Variants in TUT4 observed in about 807,000 individuals in gnomAD.
The protein encoded by TUT4 is terminal uridylyl transferase 4, also known as terminal uridylyltransferase 4.
TUT4 carries 36 observed loss-of-function variants against 192.2 expected under a neutral mutation model. That is an observed-to-expected ratio of 0.19 (90% CI 0.14 to 0.25). The LOEUF is 0.25. Ranked by LOEUF, TUT4 falls within the 10% of genes least tolerant of loss-of-function variation. TUT4 has a pLI of 1.00. For missense variants in TUT4, 1,493 were observed against 1,957.2 expected (o/e 0.76, Z 4.47); for synonymous variants, 618 against 666.0 (o/e 0.93, Z 1.11).
chr1:52,492,254 G>A (rs1050678627), intron 7 of TUT4, among the ~76,000 whole-genome samples: 15 of 151,934 alleles, frequency 9.9e-5, no homozygotes, highest in Non-Finnish European at 8.8e-5. Context: ...CAAGACAATG[G>A]CCAACAGGAA....
chr1:52,546,413 G>A (rs1373992544), intron 1 of TUT4, among the ~76,000 whole-genome samples: 1 of 152,148 alleles, frequency 6.6e-6, no homozygotes, highest in African/African-American at 2.4e-5. Flanking sequence ...GAACCTTGAG[G>A]ACACTATGCT....
chr1:52,432,587 T>C (rs1317437081), intron 27 of TUT4: 1 of 152,156 alleles, frequency 6.6e-6, no homozygotes, highest in Non-Finnish European at 1.5e-5. Flanking sequence ...TTTAGAAAGA[T>C]TATCCTGGTT....
intron 2 of TUT4, among the ~76,000 whole-genome samples, chr1:52,517,085 T>TTAATGGA (rs1444567901): frequency 3.9e-5 from 6 of 152,182 alleles, no homozygotes; most frequent in Non-Finnish European, 5.9e-5. Flanking sequence ...CCATTGATGC[T>TTAATGGA]CCCCCATTAA....
intron 11 of TUT4, among the ~76,000 whole-genome samples, chr1:52,480,959 T>C (rs894015137): frequency 7.9e-5 from 12 of 152,224 alleles, no homozygotes; most frequent in African/African-American, 2.9e-4. Flanking sequence ...TACAAGCTTC[T>C]GAAGGACATA....
intron 20 of TUT4, among the ~76,000 whole-genome samples, chr1:52,448,652 T>C (rs963040310): frequency 6.2e-5 from 8 of 128,592 alleles, no homozygotes; most frequent in Non-Finnish European, 1.0e-4. Flanking sequence ...ACAAAAGACA[T>C]AGGATTTCTG....
intron 1 of TUT4, among the ~76,000 whole-genome samples, chr1:52,539,743 C>T (rs1416836388): frequency 6.6e-6 from 1 of 151,428 alleles, no homozygotes; most frequent in African/African-American, 2.4e-5. Context: ...CCTGTCTCTA[C>T]CAAAAATACA....
At position 52,425,373 on chromosome 1, in the gene TUT4, G is replaced by C. The variant is rs754325439; in HGVS notation, c.4846C>G (p.Pro1616Ala). ...FMHQGNARFQ[P>A]NKPFYTQDRC... ...CCTTGAGTATAGAAAGGTTTGTTGG[G>C]CTGGAATCGGGCATTTCCCTGATGC... is the stretch of plus-strand genomic sequence containing the variant. The change falls in exon 29 of 30, where the codon CCC becomes GCC. Residue 1616 changes from proline to alanine, a missense_variant. Physicochemically the swap from Pro to Ala is conservative, Grantham distance 27. Coordinates refer to ENST00000257177, the MANE Select transcript of TUT4 (RefSeq NM_001009881.3). The C allele has an allele frequency of 1.9e-5, 31 of 1,613,562 alleles. No homozygotes were observed. The highest frequency in any genetic ancestry group is 2.4e-5 in the Non-Finnish European group (28 of 1,179,774).
chr1:52,551,653 A>G (rs1200198918), intron 1 of TUT4, among the ~76,000 whole-genome samples: 2 of 152,176 alleles, frequency 1.3e-5, no homozygotes, highest in Non-Finnish European at 2.9e-5. Context: ...CATGAGTTCT[A>G]AGCCTAAAGA....
chr1:52,435,795 A>G (rs940371290), intron 26 of TUT4, among the ~76,000 whole-genome samples: 1 of 152,128 alleles, frequency 6.6e-6, no homozygotes. Flanking sequence ...CTGTAATCCT[A>G]GTATTCTGGG....
chr1:52,512,095 T>C (rs1677335247), intron 3 of TUT4, among the ~76,000 whole-genome samples: 1 of 152,206 alleles, frequency 6.6e-6, no homozygotes, highest in African/African-American at 2.4e-5. Context: ...TTGTAAAATG[T>C]TAGCAGACCA....
intron 24 of TUT4, among the ~76,000 whole-genome samples, chr1:52,439,079 A>AT (rs1284008944): frequency 6.6e-6 from 1 of 150,960 alleles, no homozygotes; most frequent in Admixed American, 6.6e-5. Context: ...AAAAAAAAAA[A>AT]AAAAAAAAAA....
At chr1:52,532,698 C>T (rs1174621960) in intron 1 of TUT4, among the ~76,000 whole-genome samples, 4 of 152,258 alleles carry the variant, frequency 2.6e-5, no homozygotes, top group African/African-American at 7.2e-5. Flanking sequence ...AACTGTGCAA[C>T]GTAAGTACCT....
chr1:52,448,065 A>G (rs1658107111), intron 20 of TUT4, among the ~76,000 whole-genome samples: 1 of 152,222 alleles, frequency 6.6e-6, no homozygotes. Context: ...GTGGGTAAGG[A>G]CTATGGCTTA....
At chr1:52,466,364 G>A (rs1038324989) in intron 15 of TUT4, among the ~76,000 whole-genome samples, 19 of 151,908 alleles carry the variant, frequency 1.3e-4, no homozygotes, top group Non-Finnish European at 2.1e-4. Context: ...AAAAGAAGGC[G>A]AGGTGCGGTG....
intron 4 of TUT4, among the ~76,000 whole-genome samples, chr1:52,502,343 T>G (rs1166317506): frequency 6.6e-6 from 1 of 152,182 alleles, no homozygotes; most frequent in Admixed American, 6.5e-5. Context: ...TGGGTCTCCA[T>G]GCCTTTAAAT....
intron 1 of TUT4, 53 bp from the exon 2 acceptor site, chr1:52,526,426 T>C: frequency 1.4e-6 from 1 of 733,386 alleles, no homozygotes; most frequent in Non-Finnish European, 1.9e-6. Context: ...CAAAAACAAT[T>C]TTTTATGGTT....
At chr1:52,517,490 A>G (rs1013701217) in intron 2 of TUT4, among the ~76,000 whole-genome samples, 8 of 152,342 alleles carry the variant, frequency 5.3e-5, no homozygotes, top group African/African-American at 1.9e-4. Flanking sequence ...GAACCCTGAC[A>G]GTCAAGCCTA....
At chr1:52,504,414 G>A (rs1674960679) in intron 4 of TUT4, among the ~76,000 whole-genome samples, 1 of 152,082 alleles carries the variant, frequency 6.6e-6, no homozygotes, top group African/African-American at 2.4e-5. Flanking sequence ...GGTGGATCAG[G>A]AGGTCAGGAG....
chr1:52,531,737 C>CCTA (rs1189342991), intron 1 of TUT4, among the ~76,000 whole-genome samples: 1 of 152,054 alleles, frequency 6.6e-6, no homozygotes, highest in African/African-American at 2.4e-5. Flanking sequence ...CTTTCCATAA[C>CCTA]CTACTCCTCC....
Sources: gnomAD v4.1 joint callset for allele counts (sites outside exome capture counted in the v4.1 genomes callset) on GRCh38, gnomAD v4.1.1 for gene constraint, MANE v1.5 for transcripts, NCBI Gene and HGNC (gene_info 2026-07-23, HGNC 2026-07-21) for gene names.